Variants in SP3 observed in about 807,000 individuals in gnomAD.
The protein encoded by SP3 is transcription factor Sp3.
Under a neutral mutation model 70.3 loss-of-function variants are expected in SP3, and 10 were observed. That is an observed-to-expected ratio of 0.14 (90% CI 0.09 to 0.24). The LOEUF (loss-of-function observed/expected upper bound fraction) is 0.24. Ranked by LOEUF, SP3 falls within the 10% of genes least tolerant of loss-of-function variation. The pLI is 1.00. For synonymous variants in SP3, 402 were observed against 333.5 expected, an observed-to-expected ratio of 1.21 and a Z score of -2.24; for missense variants, 825 against 914.6, an observed-to-expected ratio of 0.90 and a Z score of 1.26.
At chr2:173,956,397 CA>C (rs1357679394) in intron 3 of SP3, among the ~76,000 whole-genome samples, 165 bp from the exon 4 acceptor site, 3 of 152,160 alleles carry the variant, frequency 2.0e-5, no homozygotes, top group African/African-American at 7.2e-5. Flanking sequence ...CAATAATTAT[CA>C]CTTCCAGTTT....
chr2:173,959,569 G>A (rs917338394), intron 3 of SP3, among the ~76,000 whole-genome samples: 6 of 151,850 alleles, frequency 4.0e-5, no homozygotes, highest in African/African-American at 7.3e-5. Context: ...CTACTAAAAA[G>A]ACAAAAATTA....
chr2:173,912,969 A>T, intron 6 of SP3, 101 bp downstream of exon 6: 1 of 684,696 alleles, frequency 1.5e-6, no homozygotes, highest in Non-Finnish European at 2.1e-6. Flanking sequence ...ATTGTATTTT[A>T]AATCGATTCA....
rs1420214125 is a variant in SP3 at position 173,908,181 on chromosome 2, T to C, written c.*1760A>G. The stretch of plus-strand genomic sequence containing the variant: ...CTTGTCTTATCATTTTCAGGAGTCT[T>C]AATGTAAATTCAGGTTTTCGATAAA... On this transcript the variant is annotated 3_prime_UTR_variant, in exon 7 of 7. Coordinates refer to ENST00000310015, the MANE Select transcript of SP3 (RefSeq NM_003111.5). 1 of 152,120 alleles carries C rather than the reference T, an allele frequency of 6.6e-6. No homozygotes were observed. The highest frequency in any genetic ancestry group is 2.4e-5 in the African/African-American group (1 of 41,444). 9.4% of individuals were successfully genotyped at this position (152,120 alleles called of 1,614,324 possible).
At chr2:173,943,796 G>A (rs192379468) in intron 4 of SP3, among the ~76,000 whole-genome samples, 71 of 152,316 alleles carry the variant, frequency 4.7e-4, no homozygotes, top group African/African-American at 1.6e-3. Context: ...GTCACTTAAT[G>A]ACTGGGATAC....
chr2:173,958,582 GA>G (rs60433945), intron 3 of SP3, among the ~76,000 whole-genome samples: 31,858 of 133,858 alleles, frequency 0.24, 3,704 homozygotes, highest in African/African-American at 0.32. Flanking sequence ...AACGATGGGG[GA>G]AAAAAAAAAA....
At chr2:173,964,333 G>C in intron 2 of SP3, 72 bp downstream of exon 2, 2 of 635,106 alleles carry the variant, frequency 3.1e-6, no homozygotes, top group Non-Finnish European at 5.6e-6. Context: ...GAGGCGAGGA[G>C]GGAGGGGAGA....
At chr2:173,960,555 T>C (rs1394837049) in intron 3 of SP3, among the ~76,000 whole-genome samples, 1 of 152,252 alleles carries the variant, frequency 6.6e-6, no homozygotes. Context: ...TTTTAAATAA[T>C]GGCAAAATAA....
chr2:173,958,692 T>C (rs925257678), intron 3 of SP3, among the ~76,000 whole-genome samples: 26 of 152,092 alleles, frequency 1.7e-4, no homozygotes, highest in African/African-American at 6.0e-4. Flanking sequence ...ATACCCTATT[T>C]TCTAAATGGA....
chr2:173,965,478 G>A (rs79574433), upstream of SP3: 18,799 of 346,738 alleles, frequency 0.054, 815 homozygotes, highest in African/African-American at 0.14. Context: ...TCTGCCAGGC[G>A]GCGCGCTTCC....
chr2:173,951,389 T>C (rs956901269), intron 4 of SP3, among the ~76,000 whole-genome samples: 2 of 152,212 alleles, frequency 1.3e-5, no homozygotes, highest in African/African-American at 4.8e-5. Flanking sequence ...TAAACAGAAA[T>C]TTAAATTTAG....
chr2:173,949,413 A>C (rs1287576377), intron 4 of SP3, among the ~76,000 whole-genome samples: 2 of 152,124 alleles, frequency 1.3e-5, no homozygotes, highest in Non-Finnish European at 2.9e-5. Context: ...AGGGAAGAAA[A>C]ATACAATACT....
chr2:173,964,486 G>GTAACCCTCCTCCTCCTCCTCTTTCCCT lies in SP3; in HGVS notation c.74_75insAGGGAAAGAGGAGGAGGAGGAGGGTTA (p.Gly26_Gly27insLysGluGluGluGluGluGlyTyrGly). ...GATACTCGCCGTGGCCGCCGCCGCC[G>GTAACCCTCCTCCTCCTCCTCTTTCCCT]CCACCGCCGCCGCCGCTATCCACGT... is the stretch of plus-strand genomic sequence containing the variant. On this transcript the variant is annotated inframe_insertion, in exon 2 of 7. Coordinates refer to ENST00000310015, the MANE Select transcript of SP3 (RefSeq NM_003111.5). 3.4e-6 allele frequency: 2 copies of GTAACCCTCCTCCTCCTCCTCTTTCCCT among 580,132 alleles called. No homozygotes were observed. Among genetic ancestry groups the GTAACCCTCCTCCTCCTCCTCTTTCCCT allele is most frequent in the Non-Finnish European group, 6.6e-6 (2 of 301,938 alleles). The allele number at this position is 580,132 out of a possible 1,614,324, so 35.9% of individuals were successfully genotyped here. A position where few individuals can be genotyped will look rare whatever the true frequency, so the allele number is the denominator to read the frequency against.
At chr2:173,936,840 T>C (rs941847565) in intron 4 of SP3, among the ~76,000 whole-genome samples, 7 of 151,966 alleles carry the variant, frequency 4.6e-5, no homozygotes, top group Non-Finnish European at 8.8e-5. Context: ...CATCTTCCTC[T>C]CATCTCTCTA....
chr2:173,951,024 T>C (rs56373855), intron 4 of SP3, among the ~76,000 whole-genome samples: 6,586 of 152,312 alleles, frequency 0.043, 172 homozygotes, highest in Middle Eastern at 0.078. Context: ...TTCAATAAAC[T>C]AAAATTCCAT....
intron 4 of SP3, among the ~76,000 whole-genome samples, chr2:173,953,073 T>C (rs923703845): frequency 1.3e-5 from 2 of 152,252 alleles, no homozygotes; most frequent in East Asian, 1.9e-4. Flanking sequence ...TATTATTTTT[T>C]AAAAGACATG....
Position 173,963,887 on chromosome 2 carries a change from C to A in SP3, c.157-4G>T, listed in dbSNP as rs779834975. On this transcript the variant is annotated splice_region_variant and splice_polypyrimidine_tract_variant and intron_variant, in intron 2 of 6. Coordinates refer to ENST00000310015, the MANE Select transcript of SP3 (RefSeq NM_003111.5). ...CGAGCGGTGACGGCTGAGTGTCCTACCCCCAATGGGCGGGTTCAGAGAGGG... is the reference window on the plus strand; with the variant it reads ...CGAGCGGTGACGGCTGAGTGTCCTAACCCCAATGGGCGGGTTCAGAGAGGG... 1 of 1,503,966 alleles carries A rather than the reference C, an allele frequency of 6.6e-7. No homozygotes were observed. The highest frequency in any genetic ancestry group is 8.9e-7 in the Non-Finnish European group (1 of 1,124,572). The allele number at this position is 1,503,966 out of a possible 1,614,324, so 93.2% of individuals were successfully genotyped here.
Position 173,965,205 on chromosome 2 carries a change from G to T in SP3, c.-34C>A. ...TAGGGCACCTCAGGCGGGGCTCCCC[G>T]CCGCCTTACACATGGTGAGGAGCGA... On this transcript the variant is annotated 5_prime_UTR_variant, in exon 1 of 7. Transcript: ENST00000310015. 3 of 1,545,068 alleles carry T rather than the reference G, an allele frequency of 1.9e-6. No individual in the cohort carries two copies. The highest frequency in any genetic ancestry group is 2.1e-4 in the Middle Eastern group (1 of 4,722).
intron 4 of SP3, among the ~76,000 whole-genome samples, chr2:173,938,293 C>T (rs1293006151): frequency 6.6e-6 from 1 of 151,756 alleles, no homozygotes; most frequent in Non-Finnish European, 1.5e-5. Flanking sequence ...CCTGTCTCTG[C>T]TAAATATACA....
chr2:173,929,219 T>C (rs1690002180), intron 4 of SP3, among the ~76,000 whole-genome samples: 1 of 152,202 alleles, frequency 6.6e-6, no homozygotes. Context: ...CACGTGGCCA[T>C]GCCCGACATT....
Sources: allele counts gnomAD v4.1 joint callset (sites outside exome capture counted in the v4.1 genomes callset), GRCh38; gene constraint gnomAD v4.1.1; transcripts MANE v1.5; gene names NCBI Gene and HGNC (gene_info 2026-07-23, HGNC 2026-07-21).